The following EYS variants were observed in gnomAD, a reference collection of about 807,000 sequenced individuals.
EYS encodes the protein EGF-like photoreceptor maintenance factor.
In EYS, 250 loss-of-function variants were observed where a neutral mutation model predicts 282.1. The ratio of observed to expected loss-of-function variants is 0.89; its 90% CI spans 0.80 to 0.98. The LOEUF (loss-of-function observed/expected upper bound fraction) is 0.98. EYS is among the 50% of genes least tolerant of loss of function. The pLI is 0.00. For synonymous variants in EYS, 1,355 were observed against 1,282.9 expected, an observed-to-expected ratio of 1.06 and a Z score of -1.20; for missense variants, 4,016 against 3,709.0, an observed-to-expected ratio of 1.08 and a Z score of -2.15.
chr6:64,026,568 T>A (rs1191167105), intron 33 of EYS, among the ~76,000 whole-genome samples: 2 of 152,158 alleles, frequency 1.3e-5, no homozygotes, highest in Non-Finnish European at 2.9e-5. Flanking sequence ...TTTCTGTAAG[T>A]GGGAAGGCAA....
intron 31 of EYS, among the ~76,000 whole-genome samples, chr6:64,226,110 C>A (rs140802562): frequency 6.6e-6 from 1 of 152,212 alleles, no homozygotes; most frequent in East Asian, 1.9e-4. Flanking sequence ...TGCTCTGTTT[C>A]CCTTGCCTTC....
chr6:65,687,812 T>C (rs1392862285), intron 1 of EYS, among the ~76,000 whole-genome samples: 2 of 152,114 alleles, frequency 1.3e-5, no homozygotes, highest in African/African-American at 4.8e-5. Context: ...AGCCAAATCA[T>C]GAGTGAACTC....
At chr6:64,203,131 C>A (rs548411393) in intron 31 of EYS, among the ~76,000 whole-genome samples, 5 of 152,274 alleles carry the variant, frequency 3.3e-5, no homozygotes, top group Admixed American at 2.6e-4. Flanking sequence ...AATTCCAGGT[C>A]ATTTGAGAGA....
intron 35 of EYS, among the ~76,000 whole-genome samples, chr6:63,950,687 C>T (rs1226871602): frequency 6.6e-6 from 1 of 152,164 alleles, no homozygotes; most frequent in African/African-American, 2.4e-5. Flanking sequence ...CACCTACGAC[C>T]TCTGGTCCTC....
intron 12 of EYS, among the ~76,000 whole-genome samples, chr6:65,153,405 G>GTGTGTC (rs1554161419): frequency 1.3e-3 from 197 of 146,016 alleles, no homozygotes; most frequent in African/African-American, 4.6e-3. Flanking sequence ...GTGTGTGTGT[G>GTGTGTC]TGTGTGTGTT....
chr6:65,612,246 A>C (rs1207105593), intron 2 of EYS, among the ~76,000 whole-genome samples: 2 of 150,898 alleles, frequency 1.3e-5, no homozygotes, highest in Non-Finnish European at 3.0e-5. Context: ...TATATCATAT[A>C]TATTTATTAT....
At chr6:65,026,198 C>G (rs1462430244) in intron 13 of EYS, among the ~76,000 whole-genome samples, 1 of 152,026 alleles carries the variant, frequency 6.6e-6, no homozygotes, top group Non-Finnish European at 1.5e-5. Context: ...TAACTCTATC[C>G]ACTGTTAGTT....
chr6:65,360,846 G>A (rs531585009), intron 8 of EYS, among the ~76,000 whole-genome samples: 1 of 152,216 alleles, frequency 6.6e-6, no homozygotes, highest in South Asian at 2.1e-4. Context: ...AATGGGAACA[G>A]AAAGGAAGAA....
intron 1 of EYS, among the ~76,000 whole-genome samples, chr6:65,697,098 T>G (rs1217116375): frequency 6.6e-6 from 1 of 152,108 alleles, no homozygotes; most frequent in Admixed American, 6.6e-5. Context: ...TTTGTGTGTG[T>G]GTGTACACAT....
At chr6:65,428,255 T>G (rs1767739332) in intron 5 of EYS, among the ~76,000 whole-genome samples, 1 of 152,076 alleles carries the variant, frequency 6.6e-6, no homozygotes, top group Non-Finnish European at 1.5e-5. Context: ...TACAAATATA[T>G]ACTCAAAGAT....
chr6:65,559,434 C>T (rs1034224447), intron 2 of EYS, among the ~76,000 whole-genome samples: 3 of 151,938 alleles, frequency 2.0e-5, no homozygotes, highest in African/African-American at 7.2e-5. Flanking sequence ...TGGCTACTCC[C>T]AATAGATTTT....
At chr6:64,002,829 C>A (rs1040243976) in intron 33 of EYS, among the ~76,000 whole-genome samples, 7 of 152,172 alleles carry the variant, frequency 4.6e-5, no homozygotes, top group African/African-American at 1.4e-4. Flanking sequence ...TGAGCCTCTG[C>A]GCCTGGCCTG....
intron 19 of EYS, among the ~76,000 whole-genome samples, chr6:64,859,191 C>G (rs1031483634): frequency 1.4e-5 from 2 of 147,880 alleles, no homozygotes; most frequent in African/African-American, 4.9e-5. Flanking sequence ...TAATAACTAC[C>G]CAAAATAATA....
At chr6:63,989,994 T>C (rs1322532808) in intron 34 of EYS, among the ~76,000 whole-genome samples, 1 of 151,602 alleles carries the variant, frequency 6.6e-6, no homozygotes, top group Non-Finnish European at 1.5e-5. Context: ...GGAAATTTTC[T>C]CAGAATAATA....
chr6:64,033,827 ACTCTCTCTCTCTCTCT>A (rs71708335), intron 33 of EYS, among the ~76,000 whole-genome samples: 4 of 148,638 alleles, frequency 2.7e-5, no homozygotes, highest in African/African-American at 7.6e-5. Context: ...AAATGAGATT[ACTCTCTCTCTCTCTCT>A]CTCTATATAT....
At chr6:64,597,040 A>G (rs952253096) in intron 24 of EYS, among the ~76,000 whole-genome samples, 10 of 152,174 alleles carry the variant, frequency 6.6e-5, no homozygotes, top group Non-Finnish European at 1.5e-4. Context: ...CCCATCAAAA[A>G]AAGTGGACAA....
At chr6:64,798,485 A>C (rs1774428485) in intron 22 of EYS, among the ~76,000 whole-genome samples, 1 of 151,914 alleles carries the variant, frequency 6.6e-6, no homozygotes, top group African/African-American at 2.4e-5. Flanking sequence ...AAAGAAAGCA[A>C]GCACATGCGA....
Position 65,559,552 on chromosome 6 carries a change from T to A in EYS, c.-332-63559A>T, listed in dbSNP as rs559833114. On this transcript the variant is annotated intron_variant, in intron 2 of 42. Coordinates refer to ENST00000503581, the MANE Select transcript of EYS (RefSeq NM_001142800.2). ...TCATGGGCATAAATATAATTTTTCA[T>A]CTTTGCGTCTTAATAACCAAACCCA... Among the ~76,000 whole-genome samples the A allele has an allele frequency of 5.3e-5, 8 of 152,266 alleles. No homozygotes were observed. In the East Asian group the frequency reaches 1.4e-3, roughly 26 times the overall value.
rs542339299 is a variant in EYS at position 64,590,267 on chromosome 6, G to T, written c.5600C>A (p.Ser1867Tyr). The stretch of plus-strand genomic sequence containing the variant: ...AGGTGCCAGAATGGATTCCAGTGAA[G>T]ACAAAGTAAGAGATCTAGTGAAGGG... ...HLPFTRSLTLSSLESILAPQR... is the reference protein window; with the variant it reads ...HLPFTRSLTLYSLESILAPQR... The change falls in exon 26 of 43, where the codon TCT becomes TAT. Residue 1867 changes from serine (S) to tyrosine (Y), a missense_variant. Ser to Tyr is a moderately radical substitution (Grantham distance 144, BLOSUM62 -2). Transcript: ENST00000503581. The T allele has an allele frequency of 7.7e-6, 12 of 1,550,592 alleles. No homozygotes were observed. In the Admixed American group the frequency reaches 1.6e-4, roughly 20 times the overall value.
Sources: gnomAD v4.1 joint callset for allele counts (sites outside exome capture counted in the v4.1 genomes callset) on GRCh38, gnomAD v4.1.1 for gene constraint, MANE v1.5 for transcripts, NCBI Gene and HGNC (gene_info 2026-07-23, HGNC 2026-07-21) for gene names.